Variants in VPS35 observed in about 807,000 individuals in gnomAD.
VPS35 encodes the protein vacuolar protein sorting-associated protein 35.
A neutral mutation model predicts 98.1 loss-of-function variants in VPS35; 21 were observed. That is an observed-to-expected ratio of 0.21 (90% confidence interval 0.15 to 0.31). The LOEUF is 0.31. Ranked by LOEUF, VPS35 falls within the 10% of genes least tolerant of loss-of-function variation. The pLI, the probability that VPS35 is intolerant of heterozygous loss-of-function variation, is 1.00. For missense variants in VPS35, 554 were observed against 950.8 expected (o/e 0.58, Z 5.49); for synonymous variants, 268 against 318.2 (o/e 0.84, Z 1.68).
chr16:46,682,359 A>C (rs960634105), intron 2 of VPS35, 184 bp from the exon 3 acceptor site: 2 of 575,170 alleles, frequency 3.5e-6, no homozygotes, highest in African/African-American at 3.8e-5. Context: ...ACTGAAAAAG[A>C]AAAAGATACA....
chr16:46,676,138 T>C (rs1966147799), intron 8 of VPS35, among the ~76,000 whole-genome samples: 1 of 149,192 alleles, frequency 6.7e-6, no homozygotes, highest in Non-Finnish European at 1.5e-5. Flanking sequence ...ATACTTAAAA[T>C]TTTTTCTTTA....
chr16:46,688,513 T>C, intron 1 of VPS35: 1 of 988,076 alleles, frequency 1.0e-6, no homozygotes, highest in Non-Finnish European at 1.2e-6. Context: ...AAGTAAACAA[T>C]CAGTCTCCTT....
intron 6 of VPS35, chr16:46,677,800 G>T (rs1417089355): frequency 1.1e-5 from 2 of 188,644 alleles, no homozygotes; most frequent in South Asian, 2.0e-4. Flanking sequence ...CCTCTCAAAA[G>T]TGAGCTTTTT....
intron 12 of VPS35, among the ~76,000 whole-genome samples, chr16:46,670,814 A>G (rs1216957045): frequency 1.3e-5 from 2 of 152,144 alleles, no homozygotes; most frequent in African/African-American, 4.8e-5. Flanking sequence ...CTTATTTCAC[A>G]CTGATTATGA....
rs759288056 is a variant in VPS35, at chr16:46,671,794, G to T, written c.1435C>A (p.Pro479Thr). 15 of 1,613,774 alleles carry T rather than the reference G, an allele frequency of 9.3e-6. No individual in the cohort carries two copies. Among genetic ancestry groups the T allele is most frequent in the South Asian group, 2.2e-5 (2 of 91,080 alleles). Residue 479 changes from proline to threonine, a missense_variant, in exon 12 of 17, where the codon CCT becomes ACT. Coordinates refer to ENST00000299138, the MANE Select transcript of VPS35 (RefSeq NM_018206.6). ...TCATCAGCAAAATCTTCTGGATCAG[G>T]GTCTTCTACAGGTTGATCTGGCTGA... The part of the protein sequence containing the change: ...QDQPDQPVED[P>T]DPEDFADEQS...
Position 46,681,263 on chromosome 16 carries a change from C to T in VPS35, c.323+114G>A. On this transcript the variant is annotated intron_variant, in intron 4 of 16. Coordinates refer to ENST00000299138, the MANE Select transcript of VPS35 (RefSeq NM_018206.6). ...AGAGAATATCTACCAAAATGTTCAT[C>T]TCAATTTGTTAAGAAGTTACCCTTA... 12 of 1,405,374 alleles carry T rather than the reference C, an allele frequency of 8.5e-6. No individual in the cohort carries two copies. In the South Asian group the frequency reaches 1.3e-4, roughly 15 times the overall value. 87.1% of individuals were successfully genotyped at this position (1,405,374 alleles called of 1,614,324 possible). A position where few individuals can be genotyped will look rare whatever the true frequency, so the allele number is the denominator to read the frequency against.
At chr16:46,681,622 G>T in intron 3 of VPS35, 122 bp from the exon 4 acceptor site, 2 of 1,187,534 alleles carry the variant, frequency 1.7e-6, no homozygotes, top group South Asian at 1.3e-5. Context: ...TTAAGAAAGT[G>T]TTCAAGCGAA....
intron 12 of VPS35, among the ~76,000 whole-genome samples, chr16:46,669,863 A>T (rs1966043095): frequency 6.6e-6 from 1 of 152,156 alleles, no homozygotes; most frequent in Admixed American, 6.6e-5. Context: ...AAGGCTTACC[A>T]CTACTTAGCA....
chr16:46,674,431 A>G lies in VPS35; in HGVS notation c.1043T>C (p.Val348Ala). 3 of 1,613,618 alleles carry G rather than the reference A, an allele frequency of 1.9e-6. No individual in the cohort carries two copies. The highest frequency in any genetic ancestry group is 1.7e-6 in the Non-Finnish European group (2 of 1,179,734). Residue 348 changes from valine (V) to alanine (A), a missense_variant, in exon 10 of 17, where the codon GTA becomes GCA. Coordinates refer to ENST00000299138, the MANE Select transcript of VPS35 (RefSeq NM_018206.6). ...SRQDMPSEDV[V>A]SLQVSLINLA... ...ATTAATCAGAGAGACTTGTAAAGAT[A>G]CAACATCCTCTGAAGGCATGTCTTG... is the stretch of plus-strand genomic sequence containing the variant.
chr16:46,676,671 G>A lies in VPS35; in HGVS notation c.826C>T (p.Leu276Phe). The change falls in exon 8 of 17, where the codon CTC becomes TTC. Residue 276 changes from leucine (L) to phenylalanine (F), a missense_variant. Leu to Phe is a conservative substitution (Grantham distance 22). Coordinates refer to ENST00000299138, the MANE Select transcript of VPS35 (RefSeq NM_018206.6). ...IIQVFPDEFHLQTLNPFLRAC... is the reference protein window; with the variant it reads ...IIQVFPDEFHFQTLNPFLRAC... ...CGAAGAAAAGGATTCAAAGTCTGGA[G>A]GTGAAATTCATCAGGGAAAACCTGA... 3.1e-6 allele frequency: 5 copies of A among 1,612,986 alleles called. No individual in the cohort carries two copies. Among genetic ancestry groups the A allele is most frequent in the Non-Finnish European group, 4.2e-6 (5 of 1,179,212 alleles).
chr16:46,660,546 T>C lies in VPS35; in HGVS notation c.2317A>G (p.Thr773Ala). Reference sequence around the variant, plus strand: ...CGCCGCAAGCGCAAATGCTCCAGTGTGTTATGAAAATGTTTGTTAATCTGC... The same window carrying C: ...CGCCGCAAGCGCAAATGCTCCAGTGCGTTATGAAAATGTTTGTTAATCTGC... ...TEQINKHFHN[T>A]LEHLRLRRES... Residue 773 changes from threonine to alanine, a missense_variant, in exon 17 of 17, where the codon ACA becomes GCA. By Grantham distance (58) the Thr-to-Ala change is moderately conservative. Transcript: ENST00000299138. 6.2e-7 allele frequency: 1 copy of C among 1,614,060 alleles called. No individual in the cohort carries two copies. Among genetic ancestry groups the C allele is most frequent in the Non-Finnish European group, 8.5e-7 (1 of 1,180,002 alleles).
rs1168692091 is a variant in VPS35, at chr16:46,679,286, T to C, written c.507-130A>G. 1.5e-5 allele frequency: 13 copies of C among 849,096 alleles called. No homozygotes were observed. In the East Asian group the frequency reaches 1.6e-4, roughly 10 times the overall value. 52.6% of individuals were successfully genotyped at this position (849,096 alleles called of 1,614,324 possible). A position where few individuals can be genotyped will look rare whatever the true frequency, so the allele number is the denominator to read the frequency against. On this transcript the variant is annotated intron_variant, in intron 5 of 16. Transcript: ENST00000299138. Reference sequence around the variant, plus strand: ...TTATAAAAAATCACTTTCAACTTCATTGGCTTAGTGTTAAATTTCAAAGGG... The same window carrying C: ...TTATAAAAAATCACTTTCAACTTCACTGGCTTAGTGTTAAATTTCAAAGGG...
chr16:46,687,843 C>T (rs1014978995), intron 1 of VPS35, among the ~76,000 whole-genome samples: 11 of 152,036 alleles, frequency 7.2e-5, no homozygotes, highest in African/African-American at 2.4e-4. Context: ...AGAACGAATA[C>T]TCAAGTTTCC....
At chr16:46,667,841 T>C (rs1206922942) in intron 13 of VPS35, among the ~76,000 whole-genome samples, 5 of 152,196 alleles carry the variant, frequency 3.3e-5, no homozygotes, top group Non-Finnish European at 1.5e-5. Flanking sequence ...TATGTGTGGG[T>C]TTATTTCTAG....
chr16:46,668,907 TA>T, intron 13 of VPS35, 22 bp downstream of exon 13: 1 of 1,613,654 alleles, frequency 6.2e-7, no homozygotes, highest in Non-Finnish European at 8.5e-7. Context: ...AAAAAGTACC[TA>T]AATACTTAAA....
At chr16:46,686,810 AC>A (rs1966324366) in intron 1 of VPS35, among the ~76,000 whole-genome samples, 1 of 152,214 alleles carries the variant, frequency 6.6e-6, no homozygotes, top group African/African-American at 2.4e-5. Flanking sequence ...GAAAATGGAA[AC>A]CCTACAGAAT....
chr16:46,678,885 A>C, intron 6 of VPS35, 58 bp downstream of exon 6: 1 of 1,550,774 alleles, frequency 6.4e-7, no homozygotes, highest in African/African-American at 1.4e-5. Context: ...TTCTGATTTT[A>C]AAAATCAGAT....
rs774246092 is a variant in VPS35, at chr16:46,677,400, TA to T, written c.721-3del. 1 of 1,613,304 alleles carries T rather than the reference TA, an allele frequency of 6.2e-7. No individual in the cohort carries two copies. The highest frequency in any genetic ancestry group is 1.7e-5 in the Admixed American group (1 of 59,992). ...CTCCAATATGCCAGTCAAAACAATCTAAAAGAGAAAAAACACACATAAGGGT... is the reference window on the plus strand; with the variant it reads ...CTCCAATATGCCAGTCAAAACAATCTAAAGAGAAAAAACACACATAAGGGT... On this transcript the variant is annotated splice_polypyrimidine_tract_variant and splice_region_variant and intron_variant, in intron 6 of 16. Transcript: ENST00000299138.
chr16:46,665,386 C>T (rs1965973086), intron 13 of VPS35, among the ~76,000 whole-genome samples: 1 of 151,952 alleles, frequency 6.6e-6, no homozygotes, highest in Admixed American at 6.6e-5. Flanking sequence ...CGCTTGAGCC[C>T]AAGAGTTTCA....
Sources: gnomAD v4.1 joint callset for allele counts (sites outside exome capture counted in the v4.1 genomes callset) on GRCh38, gnomAD v4.1.1 for gene constraint, MANE v1.5 for transcripts, NCBI Gene and HGNC (gene_info 2026-07-23, HGNC 2026-07-21) for gene names.